GNA14: variants seen among roughly 807,000 people sequenced by gnomAD.
GNA14 encodes G protein subunit alpha 14, also known as guanine nucleotide-binding protein subunit alpha-14.
A neutral mutation model predicts 42.0 loss-of-function variants in GNA14; 50 were observed. The ratio of observed to expected loss-of-function variants is 1.19; its 90% CI spans 0.95 to 1.51. GNA14 has a LOEUF of 1.51. Among genes scored for constraint, GNA14 ranks in the 40% most tolerant of loss-of-function variants. The pLI, the probability that GNA14 is intolerant of heterozygous loss-of-function variation, is 0.00. For missense variants in GNA14, 473 were observed against 446.2 expected (o/e 1.06, Z -0.54); for synonymous variants, 173 against 163.1 (o/e 1.06, Z -0.46).
At chr9:77,521,660 A>T (rs1353062553) in intron 2 of GNA14, among the ~76,000 whole-genome samples, 2 of 152,156 alleles carry the variant, frequency 1.3e-5, no homozygotes, top group Non-Finnish European at 2.9e-5. Context: ...CTCTCCTATG[A>T]TCCCGCCCCC....
intron 1 of GNA14, among the ~76,000 whole-genome samples, chr9:77,636,614 G>C (rs897761592): frequency 6.6e-6 from 1 of 151,668 alleles, no homozygotes; most frequent in Non-Finnish European, 1.5e-5. Flanking sequence ...GTGAAGGAGA[G>C]CTGGTGTGTG....
At chr9:77,425,782 T>C in intron 5 of GNA14, 67 bp from the exon 6 acceptor site, 1 of 1,124,956 alleles carries the variant, frequency 8.9e-7, no homozygotes, top group Non-Finnish European at 1.3e-6. Context: ...CATGGCGCAT[T>C]GCCAGTCCAT....
intron 1 of GNA14, among the ~76,000 whole-genome samples, chr9:77,583,191 T>C (rs544058360): frequency 6.6e-6 from 1 of 152,186 alleles, no homozygotes; most frequent in African/African-American, 2.4e-5. Context: ...GTCTTTGTTT[T>C]GTGAATCTGA....
At chr9:77,579,194 A>G (rs1823176633) in intron 1 of GNA14, among the ~76,000 whole-genome samples, 1 of 152,212 alleles carries the variant, frequency 6.6e-6, no homozygotes, top group South Asian at 2.1e-4. Flanking sequence ...CTGGGAACAA[A>G]TAAGGGGCCT....
At chr9:77,515,960 C>CAAAAAGAAAAAA (rs1837248766) in intron 2 of GNA14, among the ~76,000 whole-genome samples, 1 of 52,736 alleles carries the variant, frequency 1.9e-5, no homozygotes, top group African/African-American at 6.4e-5. Context: ...CCCTGTCTCA[C>CAAAAAGAAAAAA]AAAAAAAAAA....
chr9:77,617,470 C>T (rs1461236665), intron 1 of GNA14, among the ~76,000 whole-genome samples: 2 of 152,092 alleles, frequency 1.3e-5, no homozygotes, highest in Non-Finnish European at 2.9e-5. Context: ...CCAATTTGAT[C>T]AACCCCCTTC....
intron 2 of GNA14, among the ~76,000 whole-genome samples, chr9:77,464,067 C>T (rs1012334648): frequency 2.6e-5 from 4 of 152,028 alleles, no homozygotes; most frequent in Non-Finnish European, 5.9e-5. Context: ...GTGGTGTAAT[C>T]TCAGGTCACT....
chr9:77,530,048 G>T (rs1210847298), intron 1 of GNA14, among the ~76,000 whole-genome samples: 1 of 152,192 alleles, frequency 6.6e-6, no homozygotes, highest in African/African-American at 2.4e-5. Context: ...TTTGGAACAT[G>T]ATGTGTCCTA....
chr9:77,636,658 G>A (rs1824188510), intron 1 of GNA14, among the ~76,000 whole-genome samples: 3 of 151,882 alleles, frequency 2.0e-5, no homozygotes, highest in Admixed American at 2.0e-4. Flanking sequence ...AAGCAAGAGA[G>A]GTGGGGAAGT....
At chr9:77,589,498 T>C (rs1015500022) in intron 1 of GNA14, among the ~76,000 whole-genome samples, 4 of 152,182 alleles carry the variant, frequency 2.6e-5, no homozygotes, top group Non-Finnish European at 5.9e-5. Context: ...CAGATATCAC[T>C]TATATTTCAT....
chr9:77,561,968 C>A (rs1285167224), intron 1 of GNA14, among the ~76,000 whole-genome samples: 1 of 152,138 alleles, frequency 6.6e-6, no homozygotes, highest in Non-Finnish European at 1.5e-5. Context: ...CACTTTCTCC[C>A]TTTTTGGGGA....
chr9:77,494,549 G>C (rs2131738781), intron 2 of GNA14, among the ~76,000 whole-genome samples: 1 of 152,176 alleles, frequency 6.6e-6, no homozygotes, highest in African/African-American at 2.4e-5. Flanking sequence ...TGAGAAAAAA[G>C]ACCAGTTTGA....
chr9:77,646,458 G>A (rs1824353368), intron 1 of GNA14, among the ~76,000 whole-genome samples: 1 of 152,056 alleles, frequency 6.6e-6, no homozygotes, highest in Admixed American at 6.6e-5. Flanking sequence ...CCCCCAGAAG[G>A]CCAGACTGGG....
intron 1 of GNA14, among the ~76,000 whole-genome samples, chr9:77,565,825 A>G (rs7860549): frequency 0.16 from 24,129 of 152,224 alleles, 2,934 homozygotes; most frequent in African/African-American, 0.34. Flanking sequence ...TTGTATTTCT[A>G]TTGAATGAGT....
rs528911172 is a variant in GNA14, at chr9:77,525,814, AG to A, written c.309+3254del. 1.3e-4 allele frequency among the ~76,000 whole-genome samples: 19 copies of A among 151,428 alleles called. No homozygotes were observed. In the East Asian group the frequency reaches 3.7e-3, roughly 30 times the overall value. On this transcript the variant is annotated intron_variant, in intron 2 of 6. Coordinates refer to ENST00000341700, the MANE Select transcript of GNA14 (RefSeq NM_004297.4). ...CGGCCTCCCAAAGTACTGGGATTAC[AG>A]GCGTGAGCCACCGCACCCGGCCGTG...
chr9:77,471,272 T>C (rs1164761207), intron 2 of GNA14, among the ~76,000 whole-genome samples: 2 of 152,176 alleles, frequency 1.3e-5, no homozygotes, highest in Non-Finnish European at 2.9e-5. Context: ...AATGTGGAGC[T>C]ACTGAGGTTG....
At chr9:77,502,409 C>T (rs946807078) in intron 2 of GNA14, among the ~76,000 whole-genome samples, 19 of 152,170 alleles carry the variant, frequency 1.2e-4, no homozygotes, top group African/African-American at 4.6e-4. Flanking sequence ...CTTACTCTGA[C>T]CCTGCTCTGG....
At chr9:77,452,549 AGTGTGTGTGTGT>A (rs200313599) in intron 2 of GNA14, among the ~76,000 whole-genome samples, 36 of 55,150 alleles carry the variant, frequency 6.5e-4, no homozygotes, top group Non-Finnish European at 1.1e-3. Flanking sequence ...ACTGCACACA[AGTGTGTGTGTGT>A]GTGTGTGTGT....
intron 1 of GNA14, among the ~76,000 whole-genome samples, chr9:77,618,854 C>T (rs1404726960): frequency 2.0e-5 from 3 of 150,274 alleles, no homozygotes; most frequent in African/African-American, 2.4e-5. Flanking sequence ...GGGATGGTCT[C>T]GATCTCCTGA....
Sources: gnomAD v4.1 joint callset for allele counts (sites outside exome capture counted in the v4.1 genomes callset) on GRCh38, gnomAD v4.1.1 for gene constraint, MANE v1.5 for transcripts, NCBI Gene and HGNC (gene_info 2026-07-23, HGNC 2026-07-21) for gene names.